Variants in HEATR5B observed in about 807,000 individuals in gnomAD.
HEATR5B encodes the protein HEAT repeat-containing protein 5B.
Under a neutral mutation model 224.1 loss-of-function variants are expected in HEATR5B, and 156 were observed. The observed-to-expected ratio is 0.70, with a 90% CI of 0.61 to 0.80. The LOEUF (loss-of-function observed/expected upper bound fraction) is 0.80, where lower values mean the gene tolerates loss of function less well. Among genes scored for constraint, HEATR5B ranks in the 30% least tolerant of loss-of-function variants. The pLI, the probability that HEATR5B is intolerant of heterozygous loss-of-function variation, is 0.00. For synonymous variants in HEATR5B, 1,027 were observed against 893.0 expected, an observed-to-expected ratio of 1.15 and a Z score of -2.68; for missense variants, 2,323 against 2,535.5, an observed-to-expected ratio of 0.92 and a Z score of 1.80.
chr2:37,061,611 T>A (rs2254536), intron 11 of HEATR5B, among the ~76,000 whole-genome samples: 58,194 of 151,988 alleles, frequency 0.38, 11,605 homozygotes, highest in African/African-American at 0.5. Context: ...TTACCACTCT[T>A]CTAAAATCAC....
intron 3 of HEATR5B, 96 bp from the exon 4 acceptor site, chr2:37,077,115 A>G (rs1572949076): frequency 2.6e-5 from 26 of 1,013,544 alleles, no homozygotes; most frequent in East Asian, 7.5e-5. Flanking sequence ...TGTCTAGGAC[A>G]CTTTTGGCTA....
chr2:37,000,019 C>A (rs1317420924), intron 33 of HEATR5B, among the ~76,000 whole-genome samples: 1 of 151,548 alleles, frequency 6.6e-6, no homozygotes, highest in Non-Finnish European at 1.5e-5. Context: ...CTCAAAAAAA[C>A]AAAACAAACA....
chr2:37,036,016 A>AT (rs1275938870), intron 21 of HEATR5B, among the ~76,000 whole-genome samples: 1 of 152,184 alleles, frequency 6.6e-6, no homozygotes, highest in African/African-American at 2.4e-5. Flanking sequence ...ATTAATGAAC[A>AT]AATCCTTCAT....
At chr2:37,080,830 GTAGT>G (rs1336625859) in intron 2 of HEATR5B, among the ~76,000 whole-genome samples, 1 of 151,346 alleles carries the variant, frequency 6.6e-6, no homozygotes, top group East Asian at 1.9e-4. Context: ...ACAAGAAGTA[GTAGT>G]TAGTGAAGTG....
chr2:37,077,078 T>C, intron 3 of HEATR5B, 59 bp from the exon 4 acceptor site: 4 of 1,388,178 alleles, frequency 2.9e-6, no homozygotes. Context: ...ATTATACTTT[T>C]CTCATTTTTA....
rs531036484 is a variant in HEATR5B at position 37,012,547 on chromosome 2, T to C, written c.4284+1294A>G. On this transcript the variant is annotated intron_variant, in intron 27 of 35. Coordinates refer to ENST00000233099, the MANE Select transcript of HEATR5B (RefSeq NM_019024.3). ...CTGGGATTACAGGCATGCACCACCATGCCAGGGTAATTTTGTATTTTTAGC... is the reference window on the plus strand; with the variant it reads ...CTGGGATTACAGGCATGCACCACCACGCCAGGGTAATTTTGTATTTTTAGC... Among the ~76,000 whole-genome samples, 20 of 152,156 alleles carry C rather than the reference T, an allele frequency of 1.3e-4. No individual in the cohort carries two copies. In the South Asian group the frequency reaches 2.1e-3, roughly 16 times the overall value.
chr2:37,046,403 C>T (rs1001842086), intron 18 of HEATR5B, among the ~76,000 whole-genome samples: 9 of 152,096 alleles, frequency 5.9e-5, no homozygotes, highest in African/African-American at 2.2e-4. Flanking sequence ...TTTTGGGAGG[C>T]CAAGGTGGGT....
rs568098355 is a variant in HEATR5B at position 37,068,568 on chromosome 2, T to C, written c.1177+113A>G. Reference sequence around the variant, plus strand: ...AATAAGAGTACTCAATAAAAATCACTATGAAAACACACAGAAAGATAAACT... The same window carrying C: ...AATAAGAGTACTCAATAAAAATCACCATGAAAACACACAGAAAGATAAACT... On this transcript the variant is annotated intron_variant, in intron 8 of 35. Coordinates refer to ENST00000233099, the MANE Select transcript of HEATR5B (RefSeq NM_019024.3). 6 of 1,150,398 alleles carry C rather than the reference T, an allele frequency of 5.2e-6. No homozygotes were observed. The East Asian group carries it at 9.7e-5, about 19-fold the overall frequency. 71.3% of individuals were successfully genotyped at this position (1,150,398 alleles called of 1,614,324 possible).
In HEATR5B at chr2:37,019,280, C is replaced by T. The variant is rs184836670; in HGVS notation, c.4104+529G>A. 3.0e-3 allele frequency among the ~76,000 whole-genome samples: 458 copies of T among 152,106 alleles called. 1 individual carries two copies. Among genetic ancestry groups the T allele is most frequent in the Non-Finnish European group, 5.2e-3 (354 of 67,990 alleles). The stretch of plus-strand genomic sequence containing the variant: ...TGAAATGTCTATATTGTGAAATTCT[C>T]CTTAGTATGATTTAATACCCACAAA... On this transcript the variant is annotated intron_variant, in intron 26 of 35. Transcript: ENST00000233099.
Position 37,053,617 on chromosome 2 carries a change from T to C in HEATR5B, c.2400-10A>G. The C allele has an allele frequency of 6.5e-7, 1 of 1,546,530 alleles. No individual in the cohort carries two copies. Among genetic ancestry groups the C allele is most frequent in the South Asian group, 1.2e-5 (1 of 85,288 alleles). On this transcript the variant is annotated splice_polypyrimidine_tract_variant and intron_variant, in intron 16 of 35. Transcript: ENST00000233099. ...ATCCAACATTTGTAATCTATAACAATAAGAAAAAAAAATCACATTAGTGAC... is the reference window on the plus strand; with the variant it reads ...ATCCAACATTTGTAATCTATAACAACAAGAAAAAAAAATCACATTAGTGAC...
intron 22 of HEATR5B, among the ~76,000 whole-genome samples, chr2:37,031,548 T>C (rs1669135149): frequency 6.6e-6 from 1 of 151,742 alleles, no homozygotes; most frequent in Non-Finnish European, 1.5e-5. Context: ...ATTTTGTTTA[T>C]GGCAACTGAC....
At chr2:36,985,621 C>CT (rs558499229) in intron 35 of HEATR5B, among the ~76,000 whole-genome samples, 1,113 of 92,116 alleles carry the variant, frequency 0.012, 35 homozygotes, top group Non-Finnish European at 0.017. Context: ...CCACTCCTGG[C>CT]TTTTTTTTTT....
chr2:36,988,661 C>T lies in HEATR5B; in HGVS notation c.5896G>A (p.Gly1966Ser), dbSNP rs760606119. ...ATATACTTACTGTTTTGTTCTTCACCAAGAGCAACCAGTGTTTCAAGAACT... is the reference window on the plus strand; with the variant it reads ...ATATACTTACTGTTTTGTTCTTCACTAAGAGCAACCAGTGTTTCAAGAACT... ...IKVLETLVAL[G>S]EEQNRVQLLA... Residue 1966 changes from glycine to serine, a missense_variant, in exon 35 of 36, where the codon GGT becomes AGT. By Grantham distance (56) the Gly-to-Ser change is moderately conservative. Coordinates refer to ENST00000233099, the MANE Select transcript of HEATR5B (RefSeq NM_019024.3). The T allele has an allele frequency of 2.5e-6, 4 of 1,612,802 alleles. No homozygotes were observed. In the South Asian group the frequency reaches 4.4e-5, roughly 18 times the overall value.
intron 24 of HEATR5B, among the ~76,000 whole-genome samples, chr2:37,026,010 T>G (rs1401514715): frequency 6.6e-6 from 1 of 152,220 alleles, no homozygotes; most frequent in Non-Finnish European, 1.5e-5. Flanking sequence ...CAAAAGGGAC[T>G]TTGCAGATGT....
At chr2:37,057,895 GATT>G (rs1478990224) in intron 14 of HEATR5B, among the ~76,000 whole-genome samples, 4 of 152,080 alleles carry the variant, frequency 2.6e-5, no homozygotes, top group Admixed American at 2.0e-4. Flanking sequence ...AATGTGATAT[GATT>G]ATTATTATTT....
intron 33 of HEATR5B, among the ~76,000 whole-genome samples, chr2:36,993,668 G>A (rs6723869): frequency 0.18 from 27,421 of 151,940 alleles, 3,190 homozygotes; most frequent in East Asian, 0.53. Context: ...GGGGAAACAC[G>A]GCAGACAACT....
chr2:37,083,928 T>A (rs1436912390), intron 1 of HEATR5B, among the ~76,000 whole-genome samples: 1 of 152,220 alleles, frequency 6.6e-6, no homozygotes, highest in Admixed American at 6.5e-5. Context: ...AGACTCTTCC[T>A]ACGCGGATGG....
intron 7 of HEATR5B, 82 bp from the exon 8 acceptor site, chr2:37,069,012 T>G: frequency 7.4e-7 from 1 of 1,353,002 alleles, no homozygotes; most frequent in Non-Finnish European, 1.0e-6. Flanking sequence ...CTAAAATAAC[T>G]GATAACAGCA....
Position 37,049,750 on chromosome 2 carries a change from T to C in HEATR5B, c.2599A>G (p.Ile867Val). Residue 867 changes from isoleucine to valine, a missense_variant, in exon 18 of 36, where the codon ATC (isoleucine) becomes GTC (valine). Physicochemically the swap from Ile to Val is conservative, Grantham distance 29 (BLOSUM62 3). Around this residue, in one of 12 missense-constraint regions of HEATR5B, gnomAD observed 170 missense variants for 216.7 expected, o/e 0.78. Transcript: ENST00000233099. ...VMGPLDNPNP[I>V]LRCAAGEALG... is the part of the protein sequence containing the mutation. The stretch of plus-strand genomic sequence containing the variant: ...GCTTCCCCCGCTGCACAACGTAAGA[T>C]GGGGTTTGGGTTGTCCAGAGGACCC... 6.2e-7 allele frequency: 1 copy of C among 1,612,832 alleles called. No homozygotes were observed. Among genetic ancestry groups the C allele is most frequent in the Non-Finnish European group, 8.5e-7 (1 of 1,179,868 alleles).
Sources: allele counts gnomAD v4.1 joint callset (sites outside exome capture counted in the v4.1 genomes callset), GRCh38; gene constraint gnomAD v4.1.1; regional missense constraint gnomAD v4.1.1; transcripts MANE v1.5; gene names NCBI Gene and HGNC (gene_info 2026-07-23, HGNC 2026-07-21).